MLLT10: variants seen among roughly 807,000 people sequenced by gnomAD.
The protein encoded by MLLT10 is MLLT10 histone lysine methyltransferase DOT1L cofactor.
Under a neutral mutation model 129.1 loss-of-function variants are expected in MLLT10, and 30 were observed. That is an observed-to-expected ratio of 0.23 (90% CI 0.17 to 0.32). The LOEUF (loss-of-function observed/expected upper bound fraction) is 0.32, where lower values mean the gene tolerates loss of function less well. Ranked by LOEUF, MLLT10 falls within the 10% of genes least tolerant of loss-of-function variation. MLLT10 has a pLI of 1.00. For missense variants in MLLT10, 1,119 were observed against 1,268.3 expected, an observed-to-expected ratio of 0.88 and a Z score of 1.79; for synonymous variants, 490 against 446.4, an observed-to-expected ratio of 1.10 and a Z score of -1.23.
In MLLT10 at chr10:21,546,607, G is replaced by A. The variant is rs373197028; in HGVS notation, c.240+7695G>A. 4.1e-5 allele frequency among the ~76,000 whole-genome samples: 6 copies of A among 146,636 alleles called. No individual in the cohort carries two copies. The East Asian group carries it at 8.1e-4, about 20-fold the overall frequency. On this transcript the variant is annotated intron_variant, in intron 3 of 22. Coordinates refer to ENST00000307729, the MANE Select transcript of MLLT10 (RefSeq NM_001195626.3). ...TTTTTTTTGAGACAGGGTCTCTGTC[G>A]CCCAGGCTGGAGTGCAGTGGCGCAG...
intron 13 of MLLT10, among the ~76,000 whole-genome samples, chr10:21,685,515 A>G (rs1451803775): frequency 6.6e-6 from 1 of 152,074 alleles, no homozygotes; most frequent in Non-Finnish European, 1.5e-5. Flanking sequence ...TTGTATTTTT[A>G]GTAGAGACAG....
At chr10:21,738,520 G>C in intron 21 of MLLT10, 1 of 1,287,392 alleles carries the variant, frequency 7.8e-7, no homozygotes, top group Non-Finnish European at 1.0e-6. Context: ...CAATGTCGTG[G>C]GCTAAAGTTT....
chr10:21,572,785 A>T, intron 3 of MLLT10, among the ~76,000 whole-genome samples: 1 of 151,582 alleles, frequency 6.6e-6, no homozygotes, highest in East Asian at 1.9e-4. Flanking sequence ...GCTAATTTTT[A>T]TGTTTTTAGT....
chr10:21,540,581 A>T (rs991338448), intron 3 of MLLT10, among the ~76,000 whole-genome samples: 1 of 152,244 alleles, frequency 6.6e-6, no homozygotes, highest in South Asian at 2.1e-4. Flanking sequence ...TATCCTTTGT[A>T]TCCACAAGCA....
At chr10:21,708,663 T>C in intron 13 of MLLT10, 1 of 985,162 alleles carries the variant, frequency 1.0e-6, no homozygotes, top group Non-Finnish European at 1.2e-6. Flanking sequence ...CGTATGTAAG[T>C]ATACGTTGAT....
At chr10:21,730,794 G>C (rs548816215) in intron 16 of MLLT10, 106 bp from the exon 17 acceptor site, 24 of 1,148,662 alleles carry the variant, frequency 2.1e-5, no homozygotes, top group Middle Eastern at 2.2e-4. Context: ...TAGGCAGCCT[G>C]GTGTTATAAA....
intron 9 of MLLT10, among the ~76,000 whole-genome samples, chr10:21,660,903 T>C (rs1056619096): frequency 6.6e-6 from 1 of 151,830 alleles, no homozygotes; most frequent in Non-Finnish European, 1.5e-5. Context: ...AGATTATTGT[T>C]CTTCTATCTT....
intron 4 of MLLT10, among the ~76,000 whole-genome samples, chr10:21,588,948 C>G (rs961535323): frequency 6.6e-6 from 1 of 151,696 alleles, no homozygotes. Context: ...CTCACTCACC[C>G]GAATAGCTGG....
At chr10:21,561,156 A>G (rs2038749887) in intron 3 of MLLT10, among the ~76,000 whole-genome samples, 2 of 152,162 alleles carry the variant, frequency 1.3e-5, no homozygotes, top group Admixed American at 1.3e-4. Flanking sequence ...TTGGTATCAT[A>G]TCCAAGAAAT....
chr10:21,672,367 A>G (rs2051531794), intron 10 of MLLT10, among the ~76,000 whole-genome samples: 1 of 152,048 alleles, frequency 6.6e-6, no homozygotes, highest in Non-Finnish European at 1.5e-5. Context: ...AGATGGGACC[A>G]CAAGCATGCG....
In MLLT10 at chr10:21,734,061, T is replaced by C. The variant is rs746722486; in HGVS notation, c.2790T>C (p.Pro930=). ...MQTPVTMSQN[P]TPLTHTTVPP... ...CTCCTGTCACAATGTCCCAGAACCC[T>C]ACCCCTCTCACCCACACAACCGTAC... Residue 930 remains proline, a synonymous_variant, in exon 20 of 23, where the codon CCT becomes CCC. Coordinates refer to ENST00000307729, the MANE Select transcript of MLLT10 (RefSeq NM_001195626.3). 2 of 1,614,158 alleles carry C rather than the reference T, an allele frequency of 1.2e-6. No individual in the cohort carries two copies. Among genetic ancestry groups the C allele is most frequent in the Non-Finnish European group, 1.7e-6 (2 of 1,180,010 alleles).
chr10:21,629,374 T>A (rs1438961781), intron 8 of MLLT10, among the ~76,000 whole-genome samples: 1 of 152,206 alleles, frequency 6.6e-6, no homozygotes, highest in East Asian at 1.9e-4. Flanking sequence ...TTTTAACCAC[T>A]TTGATGGCAT....
At chr10:21,670,753 A>T in intron 10 of MLLT10, 49 bp downstream of exon 10, 1 of 1,544,840 alleles carries the variant, frequency 6.5e-7, no homozygotes, top group South Asian at 1.2e-5. Flanking sequence ...ATGGTTAATA[A>T]TAGTTATGCT....
chr10:21,590,321 G>T (rs1349382802), intron 4 of MLLT10, among the ~76,000 whole-genome samples: 1 of 151,812 alleles, frequency 6.6e-6, no homozygotes, highest in Non-Finnish European at 1.5e-5. Context: ...TGCTGAAATT[G>T]TTGGACTAAC....
At chr10:21,596,531 C>T (rs2043029671) in intron 5 of MLLT10, among the ~76,000 whole-genome samples, 3 of 151,662 alleles carry the variant, frequency 2.0e-5, no homozygotes, top group Admixed American at 2.0e-4. Flanking sequence ...TGAAATTGTC[C>T]TCTGGAAGTT....
At chr10:21,741,850 C>A in intron 22 of MLLT10, 89 bp from the exon 23 acceptor site, 1 of 1,394,254 alleles carries the variant, frequency 7.2e-7, no homozygotes, top group South Asian at 1.3e-5. Flanking sequence ...CTTTCTATAC[C>A]ACATTTTATC....
intron 8 of MLLT10, among the ~76,000 whole-genome samples, chr10:21,620,082 A>G (rs963540342): frequency 2.0e-5 from 3 of 151,768 alleles, no homozygotes; most frequent in African/African-American, 7.3e-5. Context: ...GGTGCACACC[A>G]CCACGCCCAG....
chr10:21,626,283 A>G (rs376118082), intron 8 of MLLT10: 62 of 1,400,978 alleles, frequency 4.4e-5, no homozygotes, highest in South Asian at 3.4e-4. Context: ...CAAGCTATCA[A>G]TCCAGGGCAG....
chr10:21,637,088 G>A (rs1021867354), intron 8 of MLLT10, among the ~76,000 whole-genome samples: 1 of 152,194 alleles, frequency 6.6e-6, no homozygotes, highest in African/African-American at 2.4e-5. Context: ...TGTCATTGGG[G>A]CATCAAGTCC....
Sources: gnomAD v4.1 joint callset for allele counts (sites outside exome capture counted in the v4.1 genomes callset) on GRCh38, gnomAD v4.1.1 for gene constraint, MANE v1.5 for transcripts, NCBI Gene and HGNC (gene_info 2026-07-23, HGNC 2026-07-21) for gene names.